Variants in SERPIND1 observed in about 807,000 individuals in gnomAD.
The protein encoded by SERPIND1 is heparin cofactor 2.
Under a neutral mutation model 35.0 loss-of-function variants are expected in SERPIND1, and 34 were observed. The observed-to-expected ratio is 0.97, with a 90% CI of 0.74 to 1.29. SERPIND1 has a LOEUF of 1.29. Ranked by LOEUF, SERPIND1 falls within the 50% of genes most tolerant of loss-of-function variation. The pLI, the probability that SERPIND1 is intolerant of heterozygous loss-of-function variation, is 0.00. For synonymous variants in SERPIND1, 236 were observed against 241.1 expected (o/e 0.98, Z 0.19); for missense variants, 633 against 637.7 (o/e 0.99, Z 0.08).
intron 2 of SERPIND1, among the ~76,000 whole-genome samples, chr22:20,781,587 T>A (rs957523068): frequency 2.0e-4 from 31 of 152,218 alleles, no homozygotes; most frequent in Middle Eastern, 3.2e-3. Flanking sequence ...AAGGCAGGCA[T>A]TCTGCTGGAT....
intron 3 of SERPIND1, 24 bp from the exon 4 acceptor site, chr22:20,785,980 G>C (rs377274299): frequency 6.2e-7 from 1 of 1,613,958 alleles, no homozygotes; most frequent in African/African-American, 1.3e-5. Flanking sequence ...ATAAAACTGG[G>C]CCCCCCTTTC....
chr22:20,780,227 C>T (rs768819701), intron 2 of SERPIND1, 26 bp downstream of exon 2: 4 of 1,614,168 alleles, frequency 2.5e-6, no homozygotes, highest in Non-Finnish European at 3.4e-6. Context: ...ACAGTTCTCA[C>T]AGCAAACCCA....
chr22:20,781,966 G>A (rs1447577749), intron 2 of SERPIND1, among the ~76,000 whole-genome samples: 1 of 152,220 alleles, frequency 6.6e-6, no homozygotes, highest in African/African-American at 2.4e-5. Flanking sequence ...CATGACAAGA[G>A]CTCAGCGAAT....
At chr22:20,783,435 TAAAAAA>T (rs362069) in intron 2 of SERPIND1, among the ~76,000 whole-genome samples, 1 of 136,068 alleles carries the variant, frequency 7.3e-6, no homozygotes, top group Non-Finnish European at 1.6e-5. Flanking sequence ...CATCTACAAT[TAAAAAA>T]AAAAAAAAAA....
Position 20,779,364 on chromosome 22 carries a change from TG to T in SERPIND1, c.56del (p.Gly19ValfsTer10). The T allele has an allele frequency of 6.2e-7, 1 of 1,614,128 alleles. No individual in the cohort carries two copies. Among genetic ancestry groups the T allele is most frequent in the Non-Finnish European group, 8.5e-7 (1 of 1,180,016 alleles). Reference sequence around the variant, plus strand: ...CATTTTCCTCATCATAACATCTGCGTGGGGTGGGAGCAAAGGCCCGCTGGAT... The same window carrying T: ...CATTTTCCTCATCATAACATCTGCGTGGGTGGGAGCAAAGGCCCGCTGGAT... Reference protein sequence around the residue: ...LLIFLIITSAWGGSKGPLDQL... With the variant: ...LLIFLIITSAXGGSKGPLDQL... On this transcript the variant is annotated frameshift_variant, in exon 2 of 5. Transcript: ENST00000215727. LOFTEE classifies it high-confidence loss of function.
chr22:20,785,667 C>CAAAAAAA (rs1934162575), intron 3 of SERPIND1, among the ~76,000 whole-genome samples: 1 of 151,802 alleles, frequency 6.6e-6, no homozygotes, highest in African/African-American at 2.4e-5. Context: ...AAACCAAATG[C>CAAAAAAA]CTAAAATTGG....
intron 2 of SERPIND1, 89 bp downstream of exon 2, chr22:20,780,290 G>C: frequency 1.3e-6 from 2 of 1,583,430 alleles, no homozygotes; most frequent in South Asian, 1.1e-5. Flanking sequence ...CTGTACTGTA[G>C]CTATAATTTA....
rs780265825 is a variant in SERPIND1 at position 20,780,212 on chromosome 22, C to T, written c.889+11C>T. 2 of 1,614,204 alleles carry T rather than the reference C, an allele frequency of 1.2e-6. No homozygotes were observed. The highest frequency in any genetic ancestry group is 1.7e-6 in the Non-Finnish European group (2 of 1,180,044). On this transcript the variant is annotated intron_variant, in intron 2 of 4. Transcript: ENST00000215727. ...GCATCTACTTCAAAGGTAAGAGGCA[C>T]CTTTACAGTTCTCACAGCAAACCCA...
chr22:20,775,183 G>C (rs1933170681), intron 1 of SERPIND1, among the ~76,000 whole-genome samples: 1 of 151,106 alleles, frequency 6.6e-6, no homozygotes, highest in African/African-American at 2.4e-5. Flanking sequence ...AGCACAATAT[G>C]AAGTTCCCAG....
rs144089172 is a variant in SERPIND1 at position 20,779,702 on chromosome 22, C to T, written c.390C>T (p.Asn130=). ...GGATCCAGCGTCTTAACATCCTCAACGCCAAGTTCGCTTTCAACCTCTACC... is the reference window on the plus strand; with the variant it reads ...GGATCCAGCGTCTTAACATCCTCAATGCCAAGTTCGCTTTCAACCTCTACC... ...KSRIQRLNIL[N]AKFAFNLYRV... is the part of the protein sequence containing the mutation. Residue 130 remains asparagine, a synonymous_variant, in exon 2 of 5, where the codon AAC becomes AAT. Coordinates refer to ENST00000215727, the MANE Select transcript of SERPIND1 (RefSeq NM_000185.4). 61 of 1,614,232 alleles carry T rather than the reference C, an allele frequency of 3.8e-5. No individual in the cohort carries two copies. The highest frequency in any genetic ancestry group is 2.1e-4 in the African/African-American group (16 of 75,050).
chr22:20,775,681 G>A (rs1297833840), intron 1 of SERPIND1, among the ~76,000 whole-genome samples: 3 of 152,108 alleles, frequency 2.0e-5, no homozygotes, highest in Non-Finnish European at 4.4e-5. Context: ...ATAGAGATGA[G>A]GTCTTGCTAT....
In SERPIND1 at chr22:20,784,390, G is replaced by C; in HGVS notation, c.1163+145G>C. 3.5e-6 allele frequency: 4 copies of C among 1,138,604 alleles called. No homozygotes were observed. The South Asian group carries it at 5.5e-5, about 16-fold the overall frequency. The allele number at this position is 1,138,604 out of a possible 1,614,324, so 70.5% of individuals were successfully genotyped here. ...CATACAGGGCCACTCTGTTAATTCA[G>C]CCCCAATTTGTTGCTTGAGATAAGA... On this transcript the variant is annotated intron_variant, in intron 3 of 4. Coordinates refer to ENST00000215727, the MANE Select transcript of SERPIND1 (RefSeq NM_000185.4).
At position 20,784,377 on chromosome 22, in the gene SERPIND1, C is replaced by T. The variant is rs1220916445; in HGVS notation, c.1163+132C>T. On this transcript the variant is annotated intron_variant, in intron 3 of 4. Transcript: ENST00000215727. ...ACCCAAGAACTTCCATACAGGGCCA[C>T]TCTGTTAATTCAGCCCCAATTTGTT... The T allele has an allele frequency of 2.0e-5, 25 of 1,233,302 alleles. No homozygotes were observed. The East Asian group carries it at 6.3e-4, about 31-fold the overall frequency. 76.4% of individuals were successfully genotyped at this position (1,233,302 alleles called of 1,614,324 possible).
At chr22:20,774,685 C>T (rs1421450883) in intron 1 of SERPIND1, among the ~76,000 whole-genome samples, 3 of 151,028 alleles carry the variant, frequency 2.0e-5, no homozygotes, top group African/African-American at 7.3e-5. Context: ...CGCTTAAACC[C>T]GGGAGGCAGA....
intron 3 of SERPIND1, among the ~76,000 whole-genome samples, chr22:20,785,762 C>T (rs573449205): frequency 3.3e-5 from 5 of 152,124 alleles, no homozygotes; most frequent in African/African-American, 7.2e-5. Context: ...AGATAGGAAA[C>T]GAACCATACA....
chr22:20,777,083 T>A (rs1933353689), intron 1 of SERPIND1, among the ~76,000 whole-genome samples: 1 of 151,932 alleles, frequency 6.6e-6, no homozygotes. Flanking sequence ...AAGGACTCAC[T>A]CTATCCCCCA....
chr22:20,785,595 T>A (rs1017368337), intron 3 of SERPIND1, among the ~76,000 whole-genome samples: 2 of 152,130 alleles, frequency 1.3e-5, no homozygotes, highest in Non-Finnish European at 2.9e-5. Context: ...GTCTAGTATA[T>A]ACAGGAAAGG....
At position 20,787,035 on chromosome 22, in the gene SERPIND1, TG is replaced by T. The variant is rs1480436179; in HGVS notation, c.1472del (p.Gly491GlufsTer17). ...YEHRTSCLLFMGRVANPSRS is the reference protein window; with the variant it reads ...YEHRTSCLLFXGRVANPSRS ...CATCGCACCAGCTGCCTGCTCTTCA[TG>T]GGAAGAGTGGCCAACCCCAGCAGGT... is the stretch of plus-strand genomic sequence containing the variant. On this transcript the variant is annotated frameshift_variant, in exon 5 of 5. Coordinates refer to ENST00000215727, the MANE Select transcript of SERPIND1 (RefSeq NM_000185.4). LOFTEE classifies it high-confidence loss of function. 2 of 1,613,942 alleles carry T rather than the reference TG, an allele frequency of 1.2e-6. No individual in the cohort carries two copies. The highest frequency in any genetic ancestry group is 1.7e-6 in the Non-Finnish European group (2 of 1,179,950).
intron 1 of SERPIND1, among the ~76,000 whole-genome samples, chr22:20,778,708 A>C (rs1933504322): frequency 6.6e-6 from 1 of 152,132 alleles, no homozygotes; most frequent in African/African-American, 2.4e-5. Context: ...ACTAATGCAC[A>C]TCCCTTCTAG....
Sources: allele counts gnomAD v4.1 joint callset (sites outside exome capture counted in the v4.1 genomes callset), GRCh38; gene constraint gnomAD v4.1.1; transcripts MANE v1.5; gene names NCBI Gene and HGNC (gene_info 2026-07-23, HGNC 2026-07-21).